TSC22D1: variants seen among roughly 807,000 people sequenced by gnomAD.
TSC22D1 encodes TSC22 domain family protein 1.
A neutral mutation model predicts 74.2 loss-of-function variants in TSC22D1; 9 were observed. The ratio of observed to expected loss-of-function variants is 0.12; its 90% CI spans 0.07 to 0.21. The LOEUF (loss-of-function observed/expected upper bound fraction) is 0.21, where lower values mean the gene tolerates loss of function less well. Ranked by LOEUF, TSC22D1 falls within the 10% of genes least tolerant of loss-of-function variation. The pLI is 1.00. For missense variants in TSC22D1, 1,427 were observed against 1,304.7 expected, an observed-to-expected ratio of 1.09 and a Z score of -1.44; for synonymous variants, 586 against 492.5, an observed-to-expected ratio of 1.19 and a Z score of -2.51.
At chr13:44,535,069 A>G (rs923141777) in intron 1 of TSC22D1, among the ~76,000 whole-genome samples, 1 of 152,178 alleles carries the variant, frequency 6.6e-6, no homozygotes, top group Non-Finnish European at 1.5e-5. Flanking sequence ...AAGCCACACA[A>G]AAACAAATTT....
intron 1 of TSC22D1, among the ~76,000 whole-genome samples, chr13:44,477,752 C>G (rs1470464275): frequency 2.0e-5 from 3 of 150,920 alleles, no homozygotes; most frequent in African/African-American, 7.3e-5. Context: ...AAGTGATTCT[C>G]CTGCCTCGGC....
intron 1 of TSC22D1, among the ~76,000 whole-genome samples, chr13:44,472,645 G>A (rs1413989553): frequency 6.6e-6 from 1 of 152,100 alleles, no homozygotes; most frequent in Non-Finnish European, 1.5e-5. Context: ...GTGAAACCCT[G>A]GCTATACAAT....
At chr13:44,537,489 C>A in intron 1 of TSC22D1, 2 of 985,112 alleles carry the variant, frequency 2.0e-6, no homozygotes, top group Non-Finnish European at 2.4e-6. Context: ...TATAATCTCA[C>A]AGGCCACACA....
At chr13:44,554,808 T>C (rs1465103546) in intron 1 of TSC22D1, among the ~76,000 whole-genome samples, 1 of 152,084 alleles carries the variant, frequency 6.6e-6, no homozygotes, top group East Asian at 1.9e-4. Context: ...GTTTACCAAA[T>C]TATTATCACC....
chr13:44,554,067 AGAAAG>A (rs1424338243), intron 1 of TSC22D1, among the ~76,000 whole-genome samples: 2 of 152,224 alleles, frequency 1.3e-5, no homozygotes, highest in African/African-American at 4.8e-5. Context: ...ACAGTGCTTA[AGAAAG>A]GAATCACTCT....
intron 1 of TSC22D1, among the ~76,000 whole-genome samples, chr13:44,548,919 C>T (rs1882010352): frequency 6.6e-6 from 1 of 151,898 alleles, no homozygotes; most frequent in Admixed American, 6.6e-5. Flanking sequence ...TTTTATTATC[C>T]TAACATAATG....
In TSC22D1 at chr13:44,573,691, G is replaced by C. The variant is rs1392315354; in HGVS notation, c.2384C>G (p.Ser795Cys). The change falls in exon 1 of 3, where the codon TCC becomes TGC. Residue 795 changes from serine (S) to cysteine (C), a missense_variant. This residue lies in a region of TSC22D1 where 1,343 missense variants were observed against 1,191.5 expected (regional missense o/e 1.13). Transcript: ENST00000458659. ...TGGCTGGGGAGGCACAGTTAACAAG[G>C]AACTTTGGGATGCAATAACCAATTG... ...PQQLVIASQS[S>C]LLTVPPQPQG... is the part of the protein sequence containing the mutation. The C allele has an allele frequency of 6.2e-7, 1 of 1,614,230 alleles. No individual in the cohort carries two copies. Among genetic ancestry groups the C allele is most frequent in the Admixed American group, 1.7e-5 (1 of 60,020 alleles).
chr13:44,474,456 A>G (rs1877782005), intron 1 of TSC22D1, among the ~76,000 whole-genome samples: 1 of 152,130 alleles, frequency 6.6e-6, no homozygotes, highest in African/African-American at 2.4e-5. Context: ...GAATATAGTG[A>G]TTTGTTATGT....
chr13:44,446,970 T>C (rs1875731633), intron 1 of TSC22D1, among the ~76,000 whole-genome samples: 2 of 152,286 alleles, frequency 1.3e-5, no homozygotes, highest in African/African-American at 4.8e-5. Context: ...TTTTTAAATG[T>C]ATAGCTCAGT....
upstream of TSC22D1, among the ~76,000 whole-genome samples, chr13:44,576,834 C>CT (rs1555277026): frequency 4.0e-5 from 6 of 151,472 alleles, no homozygotes; most frequent in Non-Finnish European, 5.9e-5. Context: ...ACGGCCGGGG[C>CT]GCGGCGGCGG....
intron 1 of TSC22D1, chr13:44,539,370 G>A: frequency 5.1e-6 from 5 of 985,346 alleles, no homozygotes; most frequent in Non-Finnish European, 6.0e-6. Flanking sequence ...ACTTGGACAT[G>A]TGACTGTATA....
chr13:44,436,914 C>T (rs1595075213), intron 1 of TSC22D1: 2 of 1,066,648 alleles, frequency 1.9e-6, no homozygotes, highest in South Asian at 4.3e-5. Context: ...GCCGATTGGC[C>T]GGCACGCCAC....
At chr13:44,524,649 C>A (rs1880466992) in intron 1 of TSC22D1, among the ~76,000 whole-genome samples, 1 of 152,124 alleles carries the variant, frequency 6.6e-6, no homozygotes, top group African/African-American at 2.4e-5. Flanking sequence ...CGGATTCAAG[C>A]AATTCTCCTG....
intron 1 of TSC22D1, among the ~76,000 whole-genome samples, chr13:44,562,889 T>G (rs1402023776): frequency 6.6e-6 from 1 of 152,162 alleles, no homozygotes; most frequent in Non-Finnish European, 1.5e-5. Context: ...GTGGATCACC[T>G]GAGGTCAGGA....
chr13:44,537,595 G>C (rs986994501), intron 1 of TSC22D1: 1 of 984,708 alleles, frequency 1.0e-6, no homozygotes, highest in South Asian at 4.7e-5. Context: ...ACGATGGACA[G>C]TTGTTTTTTT....
chr13:44,524,894 G>GA (rs1036936476), intron 1 of TSC22D1, among the ~76,000 whole-genome samples: 1 of 151,600 alleles, frequency 6.6e-6, no homozygotes, highest in African/African-American at 2.4e-5. Flanking sequence ...AAAGAAAAGA[G>GA]AAAAAAATCC....
chr13:44,535,641 C>CAAA (rs142929734), intron 1 of TSC22D1, among the ~76,000 whole-genome samples: 1 of 150,302 alleles, frequency 6.7e-6, no homozygotes, highest in African/African-American at 2.5e-5. Flanking sequence ...AACAAACAAA[C>CAAA]AAAAAAAACC....
intron 1 of TSC22D1, among the ~76,000 whole-genome samples, chr13:44,448,631 A>G (rs780396438): frequency 7.9e-5 from 12 of 152,194 alleles, no homozygotes; most frequent in Non-Finnish European, 1.5e-4. Context: ...ACATTTCTAC[A>G]TTATGGCCTC....
intron 1 of TSC22D1, among the ~76,000 whole-genome samples, chr13:44,570,055 TAGA>T (rs1193759947): frequency 6.6e-6 from 1 of 152,164 alleles, no homozygotes; most frequent in Non-Finnish European, 1.5e-5. Flanking sequence ...GAAGGATGAA[TAGA>T]AGTTTGACCC....
Sources: gnomAD v4.1 joint callset for allele counts (sites outside exome capture counted in the v4.1 genomes callset) on GRCh38, gnomAD v4.1.1 for gene constraint, gnomAD v4.1.1 regional missense constraint, MANE v1.5 for transcripts, NCBI Gene and HGNC (gene_info 2026-07-23, HGNC 2026-07-21) for gene names.